CEP164: variants seen among roughly 807,000 people sequenced by gnomAD.
The protein encoded by CEP164 is centrosomal protein of 164 kDa.
CEP164 carries 162 observed loss-of-function variants against 182.7 expected under a neutral mutation model. The ratio of observed to expected loss-of-function variants is 0.89; its 90% confidence interval spans 0.78 to 1.01. The LOEUF (loss-of-function observed/expected upper bound fraction) is 1.01, where lower values mean the gene tolerates loss of function less well. CEP164 is among the 50% of genes least tolerant of loss of function. The probability of loss-of-function intolerance (pLI) is 0.00; values close to 1 mark genes in which losing one functional copy is unlikely to be tolerated. For synonymous variants in CEP164, 661 were observed against 690.0 expected (o/e 0.96, Z 0.66); for missense variants, 1,735 against 1,790.4 (o/e 0.97, Z 0.56).
Position 117,355,546 on chromosome 11 carries a change from A to G in CEP164, c.393+3558A>G, listed in dbSNP as rs562365915. 3.2e-4 allele frequency: 402 copies of G among 1,264,872 alleles called. No individual in the cohort carries two copies. In the African/African-American group the frequency reaches 5.6e-3, roughly 18 times the overall value. The allele number at this position is 1,264,872 out of a possible 1,614,324, so 78.4% of individuals were successfully genotyped here. On this transcript the variant is annotated intron_variant, in intron 5 of 32. Coordinates refer to ENST00000278935, the MANE Select transcript of CEP164 (RefSeq NM_014956.5). ...AGGGCCAAAGCCCCATTCCCATGTC[A>G]TCCCCTGAGGAGGAGCCCTCCCTGT...
intron 15 of CEP164, among the ~76,000 whole-genome samples, chr11:117,388,666 G>A (rs1363317447): frequency 6.6e-6 from 1 of 152,200 alleles, no homozygotes; most frequent in African/African-American, 2.4e-5. Flanking sequence ...GTCCCTGCCA[G>A]CTCTAACACT....
At chr11:117,379,852 C>CTTTT (rs58534321) in intron 11 of CEP164, among the ~76,000 whole-genome samples, 2 of 116,916 alleles carry the variant, frequency 1.7e-5, no homozygotes, top group South Asian at 3.0e-4. Context: ...ATAGTTCTTC[C>CTTTT]TTTTTTTTTT....
At position 117,408,896 on chromosome 11, in the gene CEP164, G is replaced by C. The variant is rs774355380; in HGVS notation, c.3616G>C (p.Asp1206His). Residue 1206 changes from aspartate (D) to histidine (H), a missense_variant, in exon 29 of 33, where the codon GAT (aspartate) becomes CAT (histidine). By Grantham distance (81) the Asp-to-His change is moderately conservative (BLOSUM62 -1). Coordinates refer to ENST00000278935, the MANE Select transcript of CEP164 (RefSeq NM_014956.5). ...TGCTGACTTTACCCCACAGGCCTCAGATGAGGGCACTCTGGGAGGATCCCC... is the reference window on the plus strand; with the variant it reads ...TGCTGACTTTACCCCACAGGCCTCACATGAGGGCACTCTGGGAGGATCCCC... ...LESSLWEEAS[D>H]EGTLGGSPTK... 2.2e-5 allele frequency: 36 copies of C among 1,614,028 alleles called. No individual in the cohort carries two copies. The highest frequency in any genetic ancestry group is 3.0e-5 in the Non-Finnish European group (35 of 1,180,022).
At chr11:117,347,429 G>T (rs1389494617) in intron 4 of CEP164, among the ~76,000 whole-genome samples, 1 of 151,608 alleles carries the variant, frequency 6.6e-6, no homozygotes, top group African/African-American at 2.4e-5. Context: ...CAGTTTCCAA[G>T]GCTGGGCACG....
intron 31 of CEP164, 42 bp downstream of exon 31, chr11:117,410,936 C>T (rs368677912): frequency 1.0e-5 from 16 of 1,572,946 alleles, no homozygotes; most frequent in Admixed American, 6.9e-5. Flanking sequence ...ACGTCATAGT[C>T]GAGCTGCTCA....
chr11:117,334,655 G>A (rs761861522), intron 1 of CEP164, among the ~76,000 whole-genome samples: 1 of 151,932 alleles, frequency 6.6e-6, no homozygotes, highest in African/African-American at 2.4e-5. Context: ...GCATGGTGGG[G>A]GTGCCTGTAA....
chr11:117,391,711 T>G (rs995527665), intron 17 of CEP164, among the ~76,000 whole-genome samples: 2 of 152,174 alleles, frequency 1.3e-5, no homozygotes, highest in African/African-American at 4.8e-5. Flanking sequence ...TTTCTCTTTG[T>G]CCATACTCCC....
At chr11:117,364,850 A>G (rs1436612298) in intron 8 of CEP164, among the ~76,000 whole-genome samples, 2 of 152,178 alleles carry the variant, frequency 1.3e-5, no homozygotes, top group Non-Finnish European at 2.9e-5. Context: ...ACTGTTCAGC[A>G]TTTTGGCTCT....
chr11:117,381,934 T>C (rs925331574), intron 13 of CEP164, 66 bp downstream of exon 13: 13 of 1,242,400 alleles, frequency 1.0e-5, no homozygotes, highest in Non-Finnish European at 1.4e-5. Flanking sequence ...GTAGTGGGTA[T>C]GTGTGCTAGT....
At position 117,371,208 on chromosome 11, in the gene CEP164, C is replaced by T. The variant is rs1484222766; in HGVS notation, c.894C>T (p.Gly298=). 6.2e-7 allele frequency: 1 copy of T among 1,614,150 alleles called. No homozygotes were observed. Among genetic ancestry groups the T allele is most frequent in the East Asian group, 2.2e-5 (1 of 44,880 alleles). ...GADSSLSSAV[G]KGRQGSGARP... is the part of the protein sequence containing the mutation. ...ACAGCAGTCTGAGCAGTGCTGTTGG[C>T]AAAGGGCGACAGGGAAGTGGAGCAA... The change falls in exon 9 of 33, where the codon GGC becomes GGT. Residue 298 remains glycine, a synonymous_variant. Transcript: ENST00000278935.
intron 10 of CEP164, among the ~76,000 whole-genome samples, chr11:117,375,420 T>C (rs914867473): frequency 3.3e-5 from 5 of 152,166 alleles, no homozygotes; most frequent in Non-Finnish European, 7.4e-5. Context: ...AATTTTCTTA[T>C]GAAAAGTTTC....
chr11:117,397,806 ACG>A (rs1232318248), intron 27 of CEP164, among the ~76,000 whole-genome samples: 1 of 152,214 alleles, frequency 6.6e-6, no homozygotes, highest in Non-Finnish European at 1.5e-5. Flanking sequence ...CTCCCACAAC[ACG>A]TGGAAATTAT....
intron 11 of CEP164, among the ~76,000 whole-genome samples, chr11:117,379,796 T>TTC (rs1381112710): frequency 6.6e-6 from 1 of 151,836 alleles, no homozygotes; most frequent in African/African-American, 2.4e-5. Flanking sequence ...TCATGAATAT[T>TTC]TCTCCCCTCC....
chr11:117,368,353 G>C (rs2041867240), intron 8 of CEP164, among the ~76,000 whole-genome samples: 2 of 152,208 alleles, frequency 1.3e-5, no homozygotes. Flanking sequence ...GGTGGGAGGA[G>C]AGGGTGTCTG....
At position 117,394,708 on chromosome 11, in the gene CEP164, G is replaced by A. The variant is rs2045203000; in HGVS notation, c.2761-212G>A. 6.6e-6 allele frequency among the ~76,000 whole-genome samples: 1 copy of A among 152,192 alleles called. No individual in the cohort carries two copies. The highest frequency in any genetic ancestry group is 1.5e-5 in the Non-Finnish European group (1 of 68,030). ...TAGAACTAGAGGTCAGCCCCTGTAA[G>A]GCATTGGGGTTGGCACCTTTGCGTC... is the stretch of plus-strand genomic sequence containing the variant. On this transcript the variant is annotated intron_variant, in intron 21 of 32. Coordinates refer to ENST00000278935, the MANE Select transcript of CEP164 (RefSeq NM_014956.5). This position sits in a 1 kb window ranked among gnomAD's most constrained non-coding sequence, Gnocchi z 4.0.
chr11:117,379,303 G>T (rs2043067593), intron 11 of CEP164, among the ~76,000 whole-genome samples: 1 of 152,214 alleles, frequency 6.6e-6, no homozygotes, highest in Non-Finnish European at 1.5e-5. Context: ...CCATCCAGAT[G>T]GCAGGGTTAG....
intron 4 of CEP164, among the ~76,000 whole-genome samples, chr11:117,347,913 A>C (rs1422579583): frequency 6.6e-6 from 1 of 152,110 alleles, no homozygotes; most frequent in African/African-American, 2.4e-5. Context: ...GTAATCTGCA[A>C]ATAAGGACAA....
intron 6 of CEP164, 33 bp downstream of exon 6, chr11:117,362,026 G>A: frequency 1.3e-6 from 2 of 1,525,426 alleles, no homozygotes; most frequent in Non-Finnish European, 1.8e-6. Context: ...AGTGTCTGTA[G>A]TTCCTGTGGG....
In CEP164 at chr11:117,345,884, G is replaced by A. The variant is rs563874502; in HGVS notation, c.194+1607G>A. On this transcript the variant is annotated intron_variant, in intron 4 of 32. Coordinates refer to ENST00000278935, the MANE Select transcript of CEP164 (RefSeq NM_014956.5). ...GTATTTTTAGTAGAGACGGGGTTTCGCCATGTTGGCCAGGCTGGCCTCAAA... is the reference window on the plus strand; with the variant it reads ...GTATTTTTAGTAGAGACGGGGTTTCACCATGTTGGCCAGGCTGGCCTCAAA... Among the ~76,000 whole-genome samples the A allele has an allele frequency of 5.9e-5, 9 of 152,148 alleles. 1 individual carries two copies. The South Asian group carries it at 1.9e-3, about 32-fold the overall frequency.
Sources: gnomAD v4.1 joint callset for allele counts (sites outside exome capture counted in the v4.1 genomes callset) on GRCh38, gnomAD v4.1.1 for gene constraint, Gnocchi (gnomAD v3.1) non-coding constraint, MANE v1.5 for transcripts, NCBI Gene and HGNC (gene_info 2026-07-23, HGNC 2026-07-21) for gene names.